The following PCDH15 variants were observed in gnomAD, a reference collection of about 807,000 sequenced individuals.
The protein encoded by PCDH15 is protocadherin related 15.
Under a neutral mutation model 178.5 loss-of-function variants are expected in PCDH15, and 129 were observed. The ratio of observed to expected loss-of-function variants is 0.72; its 90% confidence interval spans 0.63 to 0.84. The LOEUF is 0.84. Ranked by LOEUF, PCDH15 falls within the 40% of genes least tolerant of loss-of-function variation. PCDH15 has a pLI of 0.00. For missense variants in PCDH15, 2,230 were observed against 2,099.9 expected (o/e 1.06, Z -1.21); for synonymous variants, 800 against 732.0 (o/e 1.09, Z -1.50).
At chr10:55,168,580 A>T (rs1839254251) in intron 1 of PCDH15, among the ~76,000 whole-genome samples, 2 of 152,154 alleles carry the variant, frequency 1.3e-5, no homozygotes, top group East Asian at 1.9e-4. Flanking sequence ...TAAGGAAGGC[A>T]TTTTGCACTG....
intron 3 of PCDH15, among the ~76,000 whole-genome samples, chr10:54,839,487 A>G (rs924983437): frequency 6.6e-6 from 1 of 152,110 alleles, no homozygotes; most frequent in Non-Finnish European, 1.5e-5. Context: ...AAATAAAGGA[A>G]AAACTGTAAA....
At chr10:55,526,790 A>G (rs542270638) in intron 2 of PCDH15, among the ~76,000 whole-genome samples, 6 of 152,218 alleles carry the variant, frequency 3.9e-5, no homozygotes, top group African/African-American at 1.4e-4. Flanking sequence ...GAACACTTGT[A>G]GAATTCAAAG....
intron 26 of PCDH15, among the ~76,000 whole-genome samples, chr10:53,884,045 A>G: frequency 6.6e-6 from 1 of 152,202 alleles, no homozygotes; most frequent in East Asian, 1.9e-4. Flanking sequence ...AACAAAACAA[A>G]ACAAAACAAA....
intron 2 of PCDH15, among the ~76,000 whole-genome samples, chr10:55,126,919 T>G (rs1306280942): frequency 6.6e-6 from 1 of 150,668 alleles, no homozygotes; most frequent in African/African-American, 2.4e-5. Context: ...AAAAAAAAAA[T>G]GTTTTATTTC....
chr10:55,243,604 C>T (rs1301704839), intron 1 of PCDH15, among the ~76,000 whole-genome samples: 1 of 152,160 alleles, frequency 6.6e-6, no homozygotes, highest in African/African-American at 2.4e-5. Flanking sequence ...CAGTAGGAAC[C>T]AGTGCATTTA....
At chr10:54,538,301 G>T (rs1287206355) in intron 2 of PCDH15, among the ~76,000 whole-genome samples, 1 of 152,134 alleles carries the variant, frequency 6.6e-6, no homozygotes, top group Non-Finnish European at 1.5e-5. Context: ...GATAGTGAAA[G>T]TAAGGGTCCA....
chr10:55,394,639 T>G (rs1837878059), intron 2 of PCDH15, among the ~76,000 whole-genome samples: 2 of 151,864 alleles, frequency 1.3e-5, no homozygotes, highest in African/African-American at 4.8e-5. Flanking sequence ...AATTAGATGT[T>G]TATCTCCTAA....
chr10:54,492,751 C>A (rs2079719836), intron 3 of PCDH15, among the ~76,000 whole-genome samples: 1 of 152,054 alleles, frequency 6.6e-6, no homozygotes, highest in East Asian at 1.9e-4. Context: ...ATTGTTATAA[C>A]TGTTCAATCT....
chr10:53,986,167 A>G lies in PCDH15; in HGVS notation c.2868+9482T>C, dbSNP rs544422453. Among the ~76,000 whole-genome samples, 20 of 152,128 alleles carry G rather than the reference A, an allele frequency of 1.3e-4. No individual in the cohort carries two copies. The South Asian group carries it at 4.1e-3, about 32-fold the overall frequency. Reference sequence around the variant, plus strand: ...GTAAAGGATTTGAATAACTTTTTCAAAAAAAAACAACAACATACACACTCG... The same window carrying G: ...GTAAAGGATTTGAATAACTTTTTCAGAAAAAAACAACAACATACACACTCG... On this transcript the variant is annotated intron_variant, in intron 21 of 37. Coordinates refer to ENST00000644397, the MANE Select transcript of PCDH15 (RefSeq NM_001384140.1).
chr10:55,289,742 G>A (rs186477776), intron 1 of PCDH15, among the ~76,000 whole-genome samples: 248 of 152,018 alleles, frequency 1.6e-3, no homozygotes, highest in Non-Finnish European at 2.3e-3. Context: ...TCATGTGTTG[G>A]AAACTTAATC....
At position 55,088,941 on chromosome 10, in the gene PCDH15, C is replaced by G. The variant is rs567341441; in HGVS notation, c.-80+77635G>C. Among the ~76,000 whole-genome samples the G allele has an allele frequency of 4.6e-5, 7 of 152,114 alleles. No homozygotes were observed. The East Asian group carries it at 1.2e-3, about 25-fold the overall frequency. On this transcript the variant is annotated intron_variant, in intron 2 of 5. Coordinates refer to the PCDH15 transcript ENST00000458638. Reference sequence around the variant, plus strand: ...AAACATATATATTTGAATTTGTATGCAGGGCCCAAAGCATTTCTTTAACTA... The same window carrying G: ...AAACATATATATTTGAATTTGTATGGAGGGCCCAAAGCATTTCTTTAACTA...
intron 2 of PCDH15, among the ~76,000 whole-genome samples, chr10:55,546,523 G>T (rs548791096): frequency 6.6e-6 from 1 of 152,130 alleles, no homozygotes; most frequent in Admixed American, 6.6e-5. Context: ...GGGGGCAAAT[G>T]TAAATTCAAA....
chr10:53,818,101 ATGTC>A (rs1272124217), intron 33 of PCDH15, 88 bp from the exon 34 acceptor site: 2 of 395,752 alleles, frequency 5.1e-6, no homozygotes, highest in East Asian at 3.6e-5. Flanking sequence ...GCTTTAAAAA[ATGTC>A]TGAGTAAAAC....
At position 54,285,244 on chromosome 10, in the gene PCDH15, G is replaced by A. The variant is rs185802619; in HGVS notation, c.876+32027C>T. Among the ~76,000 whole-genome samples, 633 of 145,752 alleles carry A rather than the reference G, an allele frequency of 4.3e-3. 8 individuals carry two copies. The highest frequency in any genetic ancestry group is 0.014 in the African/African-American group (523 of 37,984). ...CACAAACAGTGAAAGAAAATTTAAA[G>A]GCATCTTAACAGAAAAAAAAAACAA... On this transcript the variant is annotated intron_variant, in intron 8 of 37. Transcript: ENST00000644397.
chr10:55,227,011 G>A (rs1841066151), intron 1 of PCDH15, among the ~76,000 whole-genome samples: 1 of 151,914 alleles, frequency 6.6e-6, no homozygotes, highest in Admixed American at 6.6e-5. Context: ...CAAGACATGA[G>A]TTTTCAGCTT....
intron 3 of PCDH15, among the ~76,000 whole-genome samples, chr10:54,878,503 G>C (rs1434809266): frequency 2.0e-5 from 3 of 151,906 alleles, no homozygotes; most frequent in African/African-American, 7.3e-5. Context: ...CCATTGTTTC[G>C]ACTTTGAGGA....
chr10:54,651,312 T>G (rs1183741193), intron 2 of PCDH15, among the ~76,000 whole-genome samples: 1 of 152,098 alleles, frequency 6.6e-6, no homozygotes, highest in African/African-American at 2.4e-5. Flanking sequence ...GGAAATAATA[T>G]GAGTAGGCAA....
At chr10:54,690,131 C>T (rs2095091912) in intron 1 of PCDH15, among the ~76,000 whole-genome samples, 1 of 152,122 alleles carries the variant, frequency 6.6e-6, no homozygotes, top group South Asian at 2.1e-4. Context: ...CTTCTGTTGA[C>T]ACTGTAGCTG....
intron 5 of PCDH15, among the ~76,000 whole-genome samples, chr10:54,360,072 G>T (rs779069103): frequency 2.6e-5 from 4 of 152,026 alleles, no homozygotes; most frequent in Non-Finnish European, 5.9e-5. Context: ...GATGCTCCCA[G>T]TTCTGAAACT....
Sources: gnomAD v4.1 joint callset for allele counts (sites outside exome capture counted in the v4.1 genomes callset) on GRCh38, gnomAD v4.1.1 for gene constraint, MANE v1.5 for transcripts, NCBI Gene and HGNC (gene_info 2026-07-23, HGNC 2026-07-21) for gene names.